VPS53: variants seen among roughly 807,000 people sequenced by gnomAD.
The protein encoded by VPS53 is VPS53 subunit of GARP complex, also known as vacuolar protein sorting-associated protein 53 homolog.
In VPS53, 70 loss-of-function variants were observed where a neutral mutation model predicts 107.0. The ratio of observed to expected loss-of-function variants is 0.65; its 90% CI spans 0.54 to 0.80. The LOEUF is 0.80. Ranked by LOEUF, VPS53 falls within the 30% of genes least tolerant of loss-of-function variation. The probability of loss-of-function intolerance (pLI) is 0.00; values close to 1 mark genes in which losing one functional copy is unlikely to be tolerated. For missense variants in VPS53, 917 were observed against 1,049.4 expected (o/e 0.87, Z 1.74); for synonymous variants, 409 against 393.3 (o/e 1.04, Z -0.47).
At chr17:556,420 T>G (rs1023304414) in intron 15 of VPS53, among the ~76,000 whole-genome samples, 1 of 152,220 alleles carries the variant, frequency 6.6e-6, no homozygotes, top group African/African-American at 2.4e-5. Context: ...AAGTGGTATA[T>G]GGGAACCATA....
At chr17:542,296 A>T (rs1910759118) in intron 17 of VPS53, among the ~76,000 whole-genome samples, 1 of 152,232 alleles carries the variant, frequency 6.6e-6, no homozygotes, top group Non-Finnish European at 1.5e-5. Flanking sequence ...AGGAAGCGTA[A>T]CTGCTAAGTT....
chr17:666,742 A>T (rs1303442456), intron 4 of VPS53, among the ~76,000 whole-genome samples: 4 of 151,538 alleles, frequency 2.6e-5, no homozygotes, highest in African/African-American at 9.7e-5. Flanking sequence ...ACATGGTGAA[A>T]CCCCTGTCTC....
chr17:646,139 T>A (rs112145134), intron 7 of VPS53, among the ~76,000 whole-genome samples: 13 of 99,764 alleles, frequency 1.3e-4, no homozygotes, highest in South Asian at 7.4e-4. Context: ...CCGCGTGGCC[T>A]CTGCCTGATA....
rs533667086 is a variant in VPS53 at position 511,460 on chromosome 17, G to A, written c.*7668C>T. 17 of 152,250 alleles carry A rather than the reference G, an allele frequency of 1.1e-4. No homozygotes were observed. The East Asian group carries it at 1.7e-3, about 16-fold the overall frequency. 9.4% of individuals were successfully genotyped at this position (152,250 alleles called of 1,614,324 possible). On this transcript the variant is annotated 3_prime_UTR_variant, in exon 22 of 22. Transcript: ENST00000437048. Reference sequence around the variant, plus strand: ...CTGAGCAGAAGCTCCCAGAACCCTCGGATGAAGTGAGCAGCATTCCCAGGA... The same window carrying A: ...CTGAGCAGAAGCTCCCAGAACCCTCAGATGAAGTGAGCAGCATTCCCAGGA...
intron 7 of VPS53, among the ~76,000 whole-genome samples, chr17:639,082 A>G (rs915703584): frequency 5.3e-5 from 8 of 152,164 alleles, no homozygotes; most frequent in African/African-American, 1.9e-4. Context: ...GTCTTTTCAC[A>G]TAGTCCCGTA....
chr17:567,973 T>C (rs1889342000), intron 13 of VPS53, among the ~76,000 whole-genome samples: 1 of 151,936 alleles, frequency 6.6e-6, no homozygotes, highest in African/African-American at 2.4e-5. Context: ...CACTGATAAA[T>C]TACATGCCCT....
intron 13 of VPS53, among the ~76,000 whole-genome samples, chr17:576,255 C>G (rs1018835891): frequency 6.6e-6 from 1 of 151,952 alleles, no homozygotes; most frequent in African/African-American, 2.4e-5. Context: ...GACAATCTGC[C>G]TCATAACCTA....
intron 8 of VPS53, 123 bp from the exon 9 acceptor site, chr17:628,354 T>G (rs141315113): frequency 8.6e-7 from 1 of 1,166,536 alleles, no homozygotes; most frequent in Non-Finnish European, 1.2e-6. Flanking sequence ...TTCACACTCA[T>G]TCTTTCTGCT....
chr17:655,381 G>C (rs1971146262), intron 6 of VPS53, among the ~76,000 whole-genome samples: 1 of 151,926 alleles, frequency 6.6e-6, no homozygotes, highest in Admixed American at 6.6e-5. Context: ...GTGCAACTCA[G>C]CCCAACGCAA....
chr17:554,564 C>T (rs7223907), intron 15 of VPS53, among the ~76,000 whole-genome samples: 28,016 of 151,996 alleles, frequency 0.18, 3,087 homozygotes, highest in Non-Finnish European at 0.25. Flanking sequence ...TCACCATGTC[C>T]GGCTAATTTC....
rs1908428897 is a variant in VPS53, at chr17:518,004, C to G, written c.*1124G>C. On this transcript the variant is annotated 3_prime_UTR_variant, in exon 22 of 22. Coordinates refer to ENST00000437048, the MANE Select transcript of VPS53 (RefSeq NM_001128159.3). The stretch of plus-strand genomic sequence containing the variant: ...CAGGCTGGTCTCAAACTCCTGGACT[C>G]AAGTGATCCTCCTGCCTTGGTCTCC... 1 of 152,328 alleles carries G rather than the reference C, an allele frequency of 6.6e-6. No homozygotes were observed. Among genetic ancestry groups the G allele is most frequent in the South Asian group, 2.1e-4 (1 of 4,830 alleles). The allele number at this position is 152,328 out of a possible 1,614,324, so 9.4% of individuals were successfully genotyped here.
At chr17:618,488 CTACA>C (rs1969273134) in intron 11 of VPS53, among the ~76,000 whole-genome samples, 1 of 150,672 alleles carries the variant, frequency 6.6e-6, no homozygotes, top group African/African-American at 2.4e-5. Context: ...GTAGCTGGGA[CTACA>C]GGCATGCGCC....
chr17:534,917 C>CAAA (rs11376185), intron 18 of VPS53, among the ~76,000 whole-genome samples: 30 of 121,882 alleles, frequency 2.5e-4, no homozygotes, highest in Non-Finnish European at 3.4e-4. Context: ...GACCCTGTAT[C>CAAA]AAAAAAAAAA....
At chr17:623,265 T>C (rs377024487) in intron 11 of VPS53, among the ~76,000 whole-genome samples, 1 of 152,170 alleles carries the variant, frequency 6.6e-6, no homozygotes, top group East Asian at 1.9e-4. Flanking sequence ...GGCCTCTGAC[T>C]CACAAAATTA....
chr17:623,497 T>G, intron 11 of VPS53, 36 bp downstream of exon 11: 8 of 1,587,634 alleles, frequency 5.0e-6, no homozygotes, highest in Non-Finnish European at 6.9e-6. Flanking sequence ...CCCAACCCAC[T>G]GATTTCACGT....
intron 11 of VPS53, among the ~76,000 whole-genome samples, chr17:606,432 T>A (rs1968581743): frequency 6.6e-6 from 1 of 152,092 alleles, no homozygotes. Flanking sequence ...GCCATGAGGA[T>A]GGGATGAGGC....
chr17:543,985 G>C (rs1000250984), intron 17 of VPS53, among the ~76,000 whole-genome samples: 1 of 93,916 alleles, frequency 1.1e-5, no homozygotes, highest in African/African-American at 4.6e-5. Context: ...GAGGAACGGA[G>C]AGAGGGAGGA....
chr17:662,120 A>G (rs952130800), intron 4 of VPS53, among the ~76,000 whole-genome samples: 1 of 152,228 alleles, frequency 6.6e-6, no homozygotes, highest in Non-Finnish European at 1.5e-5. Flanking sequence ...CAAAGTTTCA[A>G]CTTAAAACTA....
intron 4 of VPS53, among the ~76,000 whole-genome samples, chr17:679,677 A>G (rs1567734454): frequency 6.6e-6 from 1 of 152,206 alleles, no homozygotes; most frequent in Non-Finnish European, 1.5e-5. Flanking sequence ...AAATAACAGA[A>G]AAGGCTGCCA....
Sources: allele counts gnomAD v4.1 joint callset (sites outside exome capture counted in the v4.1 genomes callset), GRCh38; gene constraint gnomAD v4.1.1; transcripts MANE v1.5; gene names NCBI Gene and HGNC (gene_info 2026-07-23, HGNC 2026-07-21).